Variants in DUSP22 observed in about 807,000 individuals in gnomAD.
DUSP22 encodes dual specificity protein phosphatase 22.
Under a neutral mutation model 24.5 loss-of-function variants are expected in DUSP22, and 24 were observed. That is an observed-to-expected ratio of 0.98 (90% confidence interval 0.71 to 1.38). The LOEUF is 1.38. Ranked by LOEUF, DUSP22 falls within the 40% of genes most tolerant of loss-of-function variation. DUSP22 has a pLI of 0.00. For synonymous variants in DUSP22, 160 were observed against 106.4 expected (o/e 1.50, Z -3.10); for missense variants, 330 against 269.2 (o/e 1.23, Z -1.58).
At chr6:335,205 A>T (rs112366284) in intron 4 of DUSP22, 42 bp downstream of exon 4, 4 of 1,602,260 alleles carry the variant, frequency 2.5e-6, no homozygotes, top group Non-Finnish European at 3.4e-6. Context: ...CATTTAAAAA[A>T]ATGAATAGAG....
rs1307980540 is a variant in DUSP22 at position 350,057 on chromosome 6, G to C, written c.*1106G>C. 5 of 985,532 alleles carry C rather than the reference G, an allele frequency of 5.1e-6. No individual in the cohort carries two copies. In the African/African-American group the frequency reaches 8.7e-5, roughly 17 times the overall value. 61.0% of individuals were successfully genotyped at this position (985,532 alleles called of 1,614,324 possible). On this transcript the variant is annotated 3_prime_UTR_variant, in exon 7 of 7. Transcript: ENST00000419235. ...TGCCTGAGCATTTATTAAGCTTCTTGGTATTCACTTGGGTTTGATAATTGA... is the reference window on the plus strand; with the variant it reads ...TGCCTGAGCATTTATTAAGCTTCTTCGTATTCACTTGGGTTTGATAATTGA...
intron 3 of DUSP22, among the ~76,000 whole-genome samples, chr6:322,950 G>A (rs111464069): frequency 8.3e-3 from 1,256 of 151,986 alleles, no homozygotes; most frequent in Middle Eastern, 0.017. Context: ...GTTGTTTTTA[G>A]CCATAAGAAA....
In DUSP22 at chr6:341,306, T is replaced by TG. The variant is rs1759597011; in HGVS notation, c.189-4547dup. On this transcript the variant is annotated intron_variant, in intron 4 of 6. Transcript: ENST00000419235. ...AAACGGAGAGCAGGAACAGGGAACT[T>TG]GTGTTCATCGAAACAGCTTGCGGTA... 3.3e-5 allele frequency among the ~76,000 whole-genome samples: 5 copies of TG among 152,312 alleles called. No individual in the cohort carries two copies. In the South Asian group the frequency reaches 1.0e-3, roughly 31 times the overall value.
intron 3 of DUSP22, among the ~76,000 whole-genome samples, chr6:316,025 C>G (rs1211903029): frequency 6.6e-6 from 1 of 152,310 alleles, no homozygotes; most frequent in Non-Finnish European, 1.5e-5. Flanking sequence ...AGACATTTGA[C>G]TGGGCCTTTG....
chr6:348,101 A>G lies in DUSP22; in HGVS notation c.264-2A>G, dbSNP rs770306461. 7.1e-5 allele frequency: 114 copies of G among 1,613,958 alleles called. No individual in the cohort carries two copies. The highest frequency in any genetic ancestry group is 9.2e-5 in the Non-Finnish European group (109 of 1,179,916). The stretch of plus-strand genomic sequence containing the variant: ...ACACATGTGCTTCTCTTGGCCCCGC[A>G]GCCTGGCCGGGGTCTCCAGGAGCGT... On this transcript the variant is annotated splice_acceptor_variant, in intron 5 of 6. Transcript: ENST00000419235. LOFTEE classifies it high-confidence loss of function.
chr6:348,538 C>T, intron 6 of DUSP22: 1 of 859,170 alleles, frequency 1.2e-6, no homozygotes, highest in South Asian at 1.8e-5. Context: ...GGGTGACGTA[C>T]CATTTCCTTG....
At chr6:302,373 C>T (rs954045929) in intron 1 of DUSP22, among the ~76,000 whole-genome samples, 17 of 152,416 alleles carry the variant, frequency 1.1e-4, no homozygotes, top group Admixed American at 6.5e-4. Context: ...CACTAACGCC[C>T]GCCTTCTCTC....
At chr6:326,131 G>A (rs1387652867) in intron 3 of DUSP22, 1 of 240,338 alleles carries the variant, frequency 4.2e-6, no homozygotes, top group Non-Finnish European at 7.8e-6. Context: ...TGCCTGGAGA[G>A]TCGTCTTCCC....
chr6:292,882 A>G (rs562717609), intron 1 of DUSP22, among the ~76,000 whole-genome samples: 1 of 152,266 alleles, frequency 6.6e-6, no homozygotes, highest in African/African-American at 2.4e-5. Context: ...CTCCGAATGG[A>G]TGTGGCTTCT....
At chr6:317,900 G>A (rs1758405946) in intron 3 of DUSP22, among the ~76,000 whole-genome samples, 1 of 152,302 alleles carries the variant, frequency 6.6e-6, no homozygotes, top group African/African-American at 2.4e-5. Flanking sequence ...GAGAAATCAT[G>A]TCTCATCACG....
intron 4 of DUSP22, among the ~76,000 whole-genome samples, chr6:343,653 A>G (rs1486065830): frequency 2.3e-3 from 6 of 2,636 alleles, no homozygotes; most frequent in Non-Finnish European, 4.6e-3. Context: ...TTGTTGCAGA[A>G]CATGTGTGTG....
At position 294,944 on chromosome 6, in the gene DUSP22, C is replaced by T. The variant is rs561723186; in HGVS notation, c.21+2384C>T. ...ATCCTGCTGCAGTAAACATGTTTAA[C>T]GTGAGATCAGGAGGAACTACCCCAA... On this transcript the variant is annotated intron_variant, in intron 1 of 6. Transcript: ENST00000419235. 1.2e-4 allele frequency among the ~76,000 whole-genome samples: 18 copies of T among 152,388 alleles called. No homozygotes were observed. In the East Asian group the frequency reaches 2.9e-3, roughly 24 times the overall value.
intron 3 of DUSP22, among the ~76,000 whole-genome samples, chr6:316,295 C>T (rs1406625877): frequency 1.3e-5 from 2 of 152,310 alleles, no homozygotes; most frequent in Non-Finnish European, 2.9e-5. Flanking sequence ...GGTATCAAAA[C>T]TTCGGAGCAC....
rs912667186 is a variant in DUSP22 at position 350,174 on chromosome 6, C to G, written c.*1223C>G. 5.2e-4 allele frequency: 514 copies of G among 986,176 alleles called. No individual in the cohort carries two copies. Among genetic ancestry groups the G allele is most frequent in the Non-Finnish European group, 6.1e-4 (505 of 830,432 alleles). The allele number at this position is 986,176 out of a possible 1,614,324, so 61.1% of individuals were successfully genotyped here. On this transcript the variant is annotated 3_prime_UTR_variant, in exon 7 of 7. Coordinates refer to ENST00000419235, the MANE Select transcript of DUSP22 (RefSeq NM_001286555.3). ...AGTTGAAAATGTTCGGTCATGATTG[C>G]TTTTGAAACCAAAGGGGAAGGTACC...
chr6:297,710 C>G (rs1757404508), intron 1 of DUSP22, among the ~76,000 whole-genome samples: 1 of 152,304 alleles, frequency 6.6e-6, no homozygotes, highest in African/African-American at 2.4e-5. Context: ...CTCAGAATTT[C>G]CTGAGGCCTG....
chr6:293,413 T>G (rs1203997543), intron 1 of DUSP22, among the ~76,000 whole-genome samples: 1 of 152,292 alleles, frequency 6.6e-6, no homozygotes, highest in Admixed American at 6.5e-5. Flanking sequence ...TGACAAGACT[T>G]TACAAAGCCC....
intron 3 of DUSP22, among the ~76,000 whole-genome samples, chr6:319,341 A>G (rs777131227): frequency 2.0e-5 from 3 of 152,422 alleles, no homozygotes; most frequent in East Asian, 3.9e-4. Flanking sequence ...TCATAGATGC[A>G]TGTGTGATGC....
chr6:306,496 A>G (rs1757818542), intron 2 of DUSP22, among the ~76,000 whole-genome samples: 2 of 152,306 alleles, frequency 1.3e-5, no homozygotes, highest in South Asian at 2.1e-4. Context: ...AGAGTGTTGT[A>G]AACAGCCCAC....
chr6:320,148 A>G (rs1421879038), intron 3 of DUSP22: 1 of 152,534 alleles, frequency 6.6e-6, no homozygotes, highest in Non-Finnish European at 1.5e-5. Context: ...ATGGTTTTTT[A>G]AACTTCTAAA....
Sources: allele counts gnomAD v4.1 joint callset (sites outside exome capture counted in the v4.1 genomes callset), GRCh38; gene constraint gnomAD v4.1.1; transcripts MANE v1.5; gene names NCBI Gene and HGNC (gene_info 2026-07-23, HGNC 2026-07-21).